FAAH2: variants seen among roughly 807,000 people sequenced by gnomAD.
FAAH2 encodes fatty-acid amide hydrolase 2.
FAAH2 carries 60 observed loss-of-function variants against 36.9 expected under a neutral mutation model. The ratio of observed to expected loss-of-function variants is 1.63; its 90% CI spans 1.32 to 2.02. The LOEUF is 2.02. FAAH2 is among the 30% of genes most tolerant of loss of function. The probability of loss-of-function intolerance (pLI) is 0.00; values close to 1 mark genes in which losing one functional copy is unlikely to be tolerated. For synonymous variants in FAAH2, 214 were observed against 143.8 expected (o/e 1.49, Z -3.49); for missense variants, 689 against 397.5 (o/e 1.73, Z -6.23).
chrX:57,334,716 G>T (rs775944548), intron 4 of FAAH2, among the ~76,000 whole-genome samples: 2 of 111,759 alleles, frequency 1.8e-5, no homozygotes, highest in East Asian at 5.7e-4. Context: ...TCCTTTATAA[G>T]ATAACTACAC....
chrX:57,414,367 C>T (rs993995699), intron 7 of FAAH2, among the ~76,000 whole-genome samples: 8 of 111,654 alleles, frequency 7.2e-5, no homozygotes, highest in African/African-American at 2.6e-4. Context: ...ATAAATAGCT[C>T]TTATTATTTT....
chrX:57,292,417 A>T, intron 1 of FAAH2, 81 bp from the exon 2 acceptor site: 1 of 881,163 alleles, frequency 1.1e-6, no homozygotes, highest in Non-Finnish European at 1.6e-6. Context: ...ATTAATGTAC[A>T]TAGGAGTCTT....
At chrX:57,419,288 A>C (rs1443828842) in intron 7 of FAAH2, among the ~76,000 whole-genome samples, 1 of 110,617 alleles carries the variant, frequency 9.0e-6, no homozygotes, top group Non-Finnish European at 1.9e-5. Context: ...CTGAGGAATC[A>C]CCACACTGAC....
intron 2 of FAAH2, among the ~76,000 whole-genome samples, chrX:57,303,599 G>A (rs934256548): frequency 9.0e-6 from 1 of 111,722 alleles, no homozygotes; most frequent in Non-Finnish European, 1.9e-5. Context: ...TATAGCTGGA[G>A]AAACAGTTTA....
At chrX:57,311,892 T>G (rs2052704887) in intron 3 of FAAH2, among the ~76,000 whole-genome samples, 1 of 111,887 alleles carries the variant, frequency 8.9e-6, no homozygotes, top group African/African-American at 3.2e-5. Context: ...AGCGTGCTAC[T>G]TGAGAGTAAG....
intron 1 of FAAH2, among the ~76,000 whole-genome samples, chrX:57,289,372 G>A (rs757453364): frequency 1.4e-4 from 16 of 111,014 alleles, no homozygotes; most frequent in Non-Finnish European, 2.6e-4. Flanking sequence ...CTACCACTAT[G>A]TCTTCTGAAC....
chrX:57,284,617 G>C (rs1230801355), upstream of FAAH2, among the ~76,000 whole-genome samples: 1 of 111,628 alleles, frequency 9.0e-6, no homozygotes, highest in Non-Finnish European at 1.9e-5. Flanking sequence ...CCAGTCAATG[G>C]GGAAAACAGG....
chrX:57,465,578 T>C (rs1267936975), intron 10 of FAAH2, among the ~76,000 whole-genome samples: 1 of 111,474 alleles, frequency 9.0e-6, no homozygotes, highest in Non-Finnish European at 1.9e-5. Flanking sequence ...ACTCTTATAA[T>C]TCACAGAATC....
At chrX:57,234,123 G>A in the FAAH2 span, among the ~76,000 whole-genome samples, 5 of 112,619 alleles carry the variant, frequency 4.4e-5, no homozygotes, top group African/African-American at 6.4e-5. Flanking sequence ...ATTCAACTGG[G>A]CATCTTTTTT....
chrX:57,449,121 T>A (rs2056737810), intron 10 of FAAH2, among the ~76,000 whole-genome samples: 1 of 112,017 alleles, frequency 8.9e-6, no homozygotes, highest in Non-Finnish European at 1.9e-5. Flanking sequence ...CAAGGGATCA[T>A]TTACTTGACT....
At chrX:57,270,441 T>A in the FAAH2 span, among the ~76,000 whole-genome samples, 1 of 112,241 alleles carries the variant, frequency 8.9e-6, no homozygotes, top group Admixed American at 9.4e-5. Flanking sequence ...CCAATATCCT[T>A]GATGAACACT....
chrX:57,276,898 A>T, the FAAH2 span, among the ~76,000 whole-genome samples: 1 of 111,681 alleles, frequency 9.0e-6, no homozygotes, highest in Non-Finnish European at 1.9e-5. Context: ...CTCTGAATAG[A>T]CTAATAACAG....
intron 5 of FAAH2, among the ~76,000 whole-genome samples, chrX:57,368,178 G>A (rs754480364): frequency 9.0e-6 from 1 of 110,840 alleles, no homozygotes; most frequent in South Asian, 3.8e-4. Flanking sequence ...CCTGGCTCCA[G>A]CAAAACAGCT....
At chrX:57,454,497 C>T (rs1594503) in intron 10 of FAAH2, among the ~76,000 whole-genome samples, 41,635 of 110,984 alleles carry the variant, frequency 0.38, 6,499 homozygotes, top group Middle Eastern at 0.64. Context: ...AATTCAGAAG[C>T]TGGATGACAA....
chrX:57,243,097 G>T, the FAAH2 span, among the ~76,000 whole-genome samples: 1 of 111,489 alleles, frequency 9.0e-6, no homozygotes, highest in South Asian at 3.8e-4. Flanking sequence ...TAAGGCTTGA[G>T]TAGGCGGTTT....
chrX:57,353,413 G>A (rs1466633652), intron 5 of FAAH2, among the ~76,000 whole-genome samples: 6 of 100,305 alleles, frequency 6.0e-5, no homozygotes, highest in Non-Finnish European at 1.2e-4. Context: ...AATGAAACTA[G>A]ACTACTTTAT....
intron 10 of FAAH2, among the ~76,000 whole-genome samples, chrX:57,482,860 T>A (rs923720968): frequency 2.7e-5 from 3 of 109,940 alleles, no homozygotes; most frequent in Non-Finnish European, 3.8e-5. Flanking sequence ...AGTTTTGGGA[T>A]TTTTGCAGAG....
chrX:57,273,768 G>C, the FAAH2 span, among the ~76,000 whole-genome samples: 2 of 111,896 alleles, frequency 1.8e-5, no homozygotes, highest in African/African-American at 6.5e-5. Context: ...GCAGTGTTTA[G>C]AGGGAAATTT....
chrX:57,190,544 A>G, the FAAH2 span, among the ~76,000 whole-genome samples: 4 of 110,468 alleles, frequency 3.6e-5, no homozygotes, highest in Admixed American at 2.9e-4. Context: ...GTGTAGGCAC[A>G]TAAGGGAATC....
Sources: gnomAD v4.1 joint callset for allele counts (sites outside exome capture counted in the v4.1 genomes callset) on GRCh38, gnomAD v4.1.1 for gene constraint, MANE v1.5 for transcripts, NCBI Gene and HGNC (gene_info 2026-07-23, HGNC 2026-07-21) for gene names.